Variants in FAT1 observed in about 807,000 individuals in gnomAD.
FAT1 encodes the protein protocadherin Fat 1.
FAT1 carries 171 observed loss-of-function variants against 329.8 expected under a neutral mutation model. That is an observed-to-expected ratio of 0.52 (90% CI 0.46 to 0.59). The LOEUF (loss-of-function observed/expected upper bound fraction) is 0.59, where lower values mean the gene tolerates loss of function less well. Among genes scored for constraint, FAT1 ranks in the 20% least tolerant of loss-of-function variants. The pLI, the probability that FAT1 is intolerant of heterozygous loss-of-function variation, is 0.00. For missense variants in FAT1, 5,672 were observed against 5,774.4 expected, an observed-to-expected ratio of 0.98 and a Z score of 0.57; for synonymous variants, 2,233 against 2,228.6, an observed-to-expected ratio of 1.00 and a Z score of -0.06.
Position 186,619,930 on chromosome 4 carries a change from G to A in FAT1, c.6656C>T (p.Thr2219Ile), listed in dbSNP as rs201477950. The A allele has an allele frequency of 1.5e-5, 25 of 1,613,992 alleles. No homozygotes were observed. The Admixed American group carries it at 2.2e-4, about 14-fold the overall frequency. Residue 2219 changes from threonine to isoleucine, a missense_variant, in exon 10 of 27, where the codon ACA (threonine) becomes ATA (isoleucine). By Grantham distance (89) the Thr-to-Ile change is moderately conservative. Around this residue, in one of 2 missense-constraint regions of FAT1, gnomAD observed 3,966 missense variants for 3,915.2 expected, o/e 1.01. Transcript: ENST00000441802. ...PEGLKVFYSI[T>I]DGDPFSQFTI... ...GAACTGGCTGAAAGGGTCTCCGTCTGTGATGCTGTAGAACACTTTCAGGCC... is the reference window on the plus strand; with the variant it reads ...GAACTGGCTGAAAGGGTCTCCGTCTATGATGCTGTAGAACACTTTCAGGCC...
intron 2 of FAT1, among the ~76,000 whole-genome samples, chr4:186,667,377 C>A (rs370663757): frequency 6.6e-6 from 1 of 152,128 alleles, no homozygotes; most frequent in African/African-American, 2.4e-5. Flanking sequence ...GGCAACAAAG[C>A]GACTCTATTC....
At chr4:186,590,011 T>C (rs1288520417) in intron 26 of FAT1, among the ~76,000 whole-genome samples, 1 of 152,144 alleles carries the variant, frequency 6.6e-6, no homozygotes, top group Non-Finnish European at 1.5e-5. Flanking sequence ...CAAAATACAA[T>C]TGAACAAGCG....
intron 3 of FAT1, among the ~76,000 whole-genome samples, chr4:186,655,283 TTTG>T (rs563505695): frequency 5.4e-4 from 83 of 152,296 alleles, no homozygotes; most frequent in Non-Finnish European, 7.6e-4. Context: ...TCTTACTGTA[TTTG>T]TTCTCAAAGA....
Position 186,643,679 on chromosome 4 carries a change from G to A in FAT1, c.3581-3896C>T, listed in dbSNP as rs553076249. 3.9e-5 allele frequency among the ~76,000 whole-genome samples: 6 copies of A among 152,004 alleles called. No individual in the cohort carries two copies. In the East Asian group the frequency reaches 5.8e-4, roughly 15 times the overall value. On this transcript the variant is annotated intron_variant, in intron 3 of 26. Transcript: ENST00000441802. ...AACCACACTGAGTGCCTAACACCCC[G>A]GGGAACGCTACCCGAACCCCCTGCA...
At chr4:186,654,305 G>A (rs1332835363) in intron 3 of FAT1, among the ~76,000 whole-genome samples, 1 of 152,214 alleles carries the variant, frequency 6.6e-6, no homozygotes, top group Non-Finnish European at 1.5e-5. Context: ...AGACACACTT[G>A]TCAATGTTCC....
At chr4:186,594,303 C>T (rs932913164) in intron 26 of FAT1, among the ~76,000 whole-genome samples, 14 of 133,548 alleles carry the variant, frequency 1.0e-4, no homozygotes, top group African/African-American at 4.3e-4. Context: ...CCTTGTGATC[C>T]GCCCGCCTTC....
Position 186,620,667 on chromosome 4 carries a change from T to G in FAT1, c.5919A>C (p.Lys1973Asn), listed in dbSNP as rs2126517912. The change falls in exon 10 of 27, where the codon AAA (lysine) becomes AAC (asparagine). Residue 1973 changes from lysine to asparagine, a missense_variant. This residue lies in a region of FAT1 where 3,966 missense variants were observed against 3,915.2 expected (regional missense o/e 1.01). Transcript: ENST00000441802. ...CCTGGGTAAACTTTAGGTGACTTTC[T>G]TTGCTTTCTTTCACATTAATTTTGA... ...TSVKINVKES[K>N]ESHLKFTQDV... 1 of 1,614,018 alleles carries G rather than the reference T, an allele frequency of 6.2e-7. No homozygotes were observed. The highest frequency in any genetic ancestry group is 1.7e-5 in the Admixed American group (1 of 60,026).
At chr4:186,612,157 G>A (rs1314480624) in intron 13 of FAT1, among the ~76,000 whole-genome samples, 1 of 151,144 alleles carries the variant, frequency 6.6e-6, no homozygotes, top group Non-Finnish European at 1.5e-5. Context: ...TTTTTAGAAG[G>A]GTAAACGCTA....
chr4:186,647,849 G>A (rs1741450794), intron 3 of FAT1, among the ~76,000 whole-genome samples: 1 of 152,128 alleles, frequency 6.6e-6, no homozygotes, highest in South Asian at 2.1e-4. Context: ...ACCAGGATCC[G>A]GAAGTTAGAT....
At chr4:186,631,308 C>T (rs1363859207) in intron 7 of FAT1, among the ~76,000 whole-genome samples, 1 of 151,522 alleles carries the variant, frequency 6.6e-6, no homozygotes, top group East Asian at 1.9e-4. Context: ...TCAATCCATC[C>T]CCGCGGTATC....
intron 3 of FAT1, among the ~76,000 whole-genome samples, chr4:186,661,666 C>A (rs1742178185): frequency 6.6e-6 from 1 of 152,142 alleles, no homozygotes; most frequent in Non-Finnish European, 1.5e-5. Flanking sequence ...TTAAAATATC[C>A]TCTGTAATAA....
chr4:186,630,946 A>C (rs1039072314), intron 7 of FAT1, among the ~76,000 whole-genome samples: 3 of 152,204 alleles, frequency 2.0e-5, no homozygotes, highest in Non-Finnish European at 2.9e-5. Flanking sequence ...GATAAAGCCA[A>C]GTGACTGGAA....
intron 2 of FAT1, among the ~76,000 whole-genome samples, chr4:186,681,291 T>C (rs552606712): frequency 6.6e-6 from 1 of 152,208 alleles, no homozygotes; most frequent in Non-Finnish European, 1.5e-5. Flanking sequence ...GTGGGAGATA[T>C]ATGGGTTATA....
intron 2 of FAT1, among the ~76,000 whole-genome samples, chr4:186,701,233 GA>G (rs1339084082): frequency 6.6e-6 from 1 of 152,190 alleles, no homozygotes; most frequent in Non-Finnish European, 1.5e-5. Context: ...CTGCTTCAAA[GA>G]AGGACCCTTC....
rs201873103 is a variant in FAT1, at chr4:186,609,281, T to C, written c.10108A>G (p.Ile3370Val). 3.1e-6 allele frequency: 5 copies of C among 1,614,078 alleles called. No homozygotes were observed. The highest frequency in any genetic ancestry group is 2.2e-5 in the South Asian group (2 of 91,084). Residue 3370 changes from isoleucine (I) to valine (V), a missense_variant, in exon 16 of 27, where the codon ATC becomes GTC. Around this residue, in one of 2 missense-constraint regions of FAT1, gnomAD observed 1,706 missense variants for 1,859.1 expected, o/e 0.92. Coordinates refer to ENST00000441802, the MANE Select transcript of FAT1 (RefSeq NM_005245.4). ...DDADGPSNSHIHYSIIDGNQG... is the reference protein window; with the variant it reads ...DDADGPSNSHVHYSIIDGNQG... Reference sequence around the variant, plus strand: ...TTGCCATCTATAATTGAGTAGTGGATGTGGCTGTTGGAAGGTCCATCGGCA... The same window carrying C: ...TTGCCATCTATAATTGAGTAGTGGACGTGGCTGTTGGAAGGTCCATCGGCA...
chr4:186,687,899 G>C (rs942359161), intron 2 of FAT1, among the ~76,000 whole-genome samples: 9 of 152,070 alleles, frequency 5.9e-5, no homozygotes, highest in African/African-American at 1.9e-4. Context: ...CCTGGCACTG[G>C]AAAGGCATCT....
chr4:186,599,112 G>A (rs1419579449), intron 22 of FAT1, among the ~76,000 whole-genome samples: 2 of 152,166 alleles, frequency 1.3e-5, no homozygotes, highest in South Asian at 2.1e-4. Flanking sequence ...AAATGAGGAC[G>A]GCCTCCTTGC....
chr4:186,691,640 G>A (rs915110108), intron 2 of FAT1, among the ~76,000 whole-genome samples: 10 of 151,758 alleles, frequency 6.6e-5, no homozygotes, highest in African/African-American at 2.4e-4. Flanking sequence ...CCCCACCTCT[G>A]CAAAAAAAGT....
In FAT1 at chr4:186,611,541, C is replaced by T. The variant is rs1316346360; in HGVS notation, c.9698G>A (p.Arg3233His). ...INDNPPVFEYREYGATVSEDI... is the reference protein window; with the variant it reads ...INDNPPVFEYHEYGATVSEDI... ...CTCAGACACGGTGGCACCATATTCA[C>T]GGTACTCAAACACAGGGGGGTTGTC... The change falls in exon 14 of 27, where the codon CGT (arginine) becomes CAT (histidine). Residue 3233 changes from arginine (R) to histidine (H), a missense_variant. By Grantham distance (29) the Arg-to-His change is conservative. Coordinates refer to ENST00000441802, the MANE Select transcript of FAT1 (RefSeq NM_005245.4). 6.8e-6 allele frequency: 11 copies of T among 1,613,910 alleles called. No individual in the cohort carries two copies. The highest frequency in any genetic ancestry group is 1.6e-4 in the Middle Eastern group (1 of 6,062).
Sources: allele counts gnomAD v4.1 joint callset (sites outside exome capture counted in the v4.1 genomes callset), GRCh38; gene constraint gnomAD v4.1.1; regional missense constraint gnomAD v4.1.1; transcripts MANE v1.5; gene names NCBI Gene and HGNC (gene_info 2026-07-23, HGNC 2026-07-21).